The following OTUD7A variants were observed in gnomAD, a reference collection of about 807,000 sequenced individuals.
OTUD7A encodes OTU domain-containing protein 7A.
A neutral mutation model predicts 65.7 loss-of-function variants in OTUD7A; 12 were observed. That is an observed-to-expected ratio of 0.18 (90% CI 0.12 to 0.30). The LOEUF (loss-of-function observed/expected upper bound fraction) is 0.30. Ranked by LOEUF, OTUD7A falls within the 10% of genes least tolerant of loss-of-function variation. OTUD7A has a pLI of 1.00. For missense variants in OTUD7A, 1,148 were observed against 1,304.8 expected (o/e 0.88, Z 1.85); for synonymous variants, 641 against 586.3 (o/e 1.09, Z -1.35).
At chr15:31,708,026 C>A (rs1456686670) in intron 1 of OTUD7A, among the ~76,000 whole-genome samples, 1 of 151,676 alleles carries the variant, frequency 6.6e-6, no homozygotes, top group Non-Finnish European at 1.5e-5. Context: ...GAGCCTGCAC[C>A]ATAGAGAATT....
intron 1 of OTUD7A, among the ~76,000 whole-genome samples, chr15:31,815,950 A>G (rs1226068405): frequency 1.3e-5 from 2 of 152,220 alleles, no homozygotes; most frequent in East Asian, 1.9e-4. Flanking sequence ...GCAGGTGGTG[A>G]CTTACACCAT....
intron 1 of OTUD7A, among the ~76,000 whole-genome samples, chr15:31,793,098 C>T (rs1324190033): frequency 6.6e-6 from 1 of 152,222 alleles, no homozygotes; most frequent in African/African-American, 2.4e-5. Flanking sequence ...ACTCAGGAGA[C>T]TGTGCGGCTG....
At chr15:31,802,160 G>T (rs1395235177) in intron 1 of OTUD7A, among the ~76,000 whole-genome samples, 1 of 138,472 alleles carries the variant, frequency 7.2e-6, no homozygotes. Flanking sequence ...TATATGTAAA[G>T]GGGAGTTTAT....
chr15:31,510,436 T>C (rs1486429647), intron 8 of OTUD7A, among the ~76,000 whole-genome samples: 2 of 150,726 alleles, frequency 1.3e-5, no homozygotes, highest in Non-Finnish European at 3.0e-5. Flanking sequence ...TTAGTCTTTT[T>C]TTTTTCCCCC....
At chr15:31,868,111 A>G (rs1169335379) in intron 1 of OTUD7A, among the ~76,000 whole-genome samples, 1 of 152,264 alleles carries the variant, frequency 6.6e-6, no homozygotes, top group Non-Finnish European at 1.5e-5. Flanking sequence ...CAAAGGGAAC[A>G]GAAAGAAAAT....
chr15:31,841,111 G>A (rs1291127099), intron 1 of OTUD7A, among the ~76,000 whole-genome samples: 1 of 152,170 alleles, frequency 6.6e-6, no homozygotes, highest in African/African-American at 2.4e-5. Context: ...CAATACATCT[G>A]CTTGGTACAC....
intron 5 of OTUD7A, among the ~76,000 whole-genome samples, chr15:31,554,648 CA>C (rs1328141979): frequency 6.6e-6 from 1 of 152,146 alleles, no homozygotes; most frequent in African/African-American, 2.4e-5. Flanking sequence ...CTGCATTACA[CA>C]AAAATGCCTC....
At chr15:31,792,915 G>T (rs1895856792) in intron 1 of OTUD7A, among the ~76,000 whole-genome samples, 1 of 152,070 alleles carries the variant, frequency 6.6e-6, no homozygotes, top group Admixed American at 6.5e-5. Context: ...TGCCTGGCAT[G>T]CCTGGGGATT....
chr15:31,870,036 G>A (rs1433194693), intron 1 of OTUD7A, among the ~76,000 whole-genome samples: 1 of 151,210 alleles, frequency 6.6e-6, no homozygotes, highest in Admixed American at 6.6e-5. Context: ...TCCGGTGCCC[G>A]GCGAGCGGCC....
intron 3 of OTUD7A, among the ~76,000 whole-genome samples, chr15:31,595,911 C>T (rs1889890749): frequency 6.6e-6 from 1 of 152,072 alleles, no homozygotes. Context: ...CTTTCTCCAT[C>T]CCCAAGCCAG....
chr15:31,752,963 G>A (rs1894678749), intron 1 of OTUD7A, among the ~76,000 whole-genome samples: 2 of 152,182 alleles, frequency 1.3e-5, no homozygotes, highest in African/African-American at 4.8e-5. Context: ...ATCATCATAT[G>A]CAGCAGAAGT....
intron 8 of OTUD7A, among the ~76,000 whole-genome samples, chr15:31,519,979 A>G (rs973549031): frequency 4.6e-5 from 7 of 151,540 alleles, no homozygotes; most frequent in Non-Finnish European, 1.0e-4. Flanking sequence ...AATGCTGAAG[A>G]AAAAAATTGT....
At chr15:31,780,195 TCA>T (rs1182950310) in intron 1 of OTUD7A, among the ~76,000 whole-genome samples, 3 of 152,142 alleles carry the variant, frequency 2.0e-5, no homozygotes, top group African/African-American at 4.8e-5. Flanking sequence ...TCAATTTCAC[TCA>T]CATCAAGAGA....
At chr15:31,681,656 T>C (rs1892721431) in intron 1 of OTUD7A, among the ~76,000 whole-genome samples, 1 of 151,996 alleles carries the variant, frequency 6.6e-6, no homozygotes, top group African/African-American at 2.4e-5. Flanking sequence ...TGTCTAATAA[T>C]GACTGTCTAA....
At chr15:31,762,129 G>A (rs1240888514) in intron 1 of OTUD7A, among the ~76,000 whole-genome samples, 1 of 152,204 alleles carries the variant, frequency 6.6e-6, no homozygotes, top group Non-Finnish European at 1.5e-5. Flanking sequence ...TTTAGTGGGT[G>A]AATTATGGTA....
chr15:31,748,602 A>G (rs1459543459), intron 1 of OTUD7A, among the ~76,000 whole-genome samples: 1 of 152,076 alleles, frequency 6.6e-6, no homozygotes, highest in Non-Finnish European at 1.5e-5. Context: ...AAAATACATG[A>G]GAAGGTTTAT....
At chr15:31,708,610 A>AC (rs1479581747) in intron 1 of OTUD7A, among the ~76,000 whole-genome samples, 3 of 150,902 alleles carry the variant, frequency 2.0e-5, no homozygotes, top group Non-Finnish European at 4.4e-5. Context: ...CAAAGAGGCC[A>AC]CTGATCAGCC....
At position 31,585,908 on chromosome 15, in the gene OTUD7A, A is replaced by G. The variant is rs1181009934; in HGVS notation, c.152-15711T>C. On this transcript the variant is annotated intron_variant, in intron 3 of 12. Transcript: ENST00000307050. ...GAGGGATTGGGATGAGCCAAGCAAC[A>G]AAGAAGACTTTTTCTAGAAACAAAT... Among the ~76,000 whole-genome samples, 5 of 152,222 alleles carry G rather than the reference A, an allele frequency of 3.3e-5. No individual in the cohort carries two copies. In the East Asian group the frequency reaches 7.7e-4, roughly 23 times the overall value.
At chr15:31,676,379 C>T (rs1413547649) in intron 1 of OTUD7A, among the ~76,000 whole-genome samples, 1 of 152,112 alleles carries the variant, frequency 6.6e-6, no homozygotes, top group Non-Finnish European at 1.5e-5. Context: ...CTAAGTGAAT[C>T]AAGACAATTC....
Sources: gnomAD v4.1 joint callset for allele counts (sites outside exome capture counted in the v4.1 genomes callset) on GRCh38, gnomAD v4.1.1 for gene constraint, MANE v1.5 for transcripts, NCBI Gene and HGNC (gene_info 2026-07-23, HGNC 2026-07-21) for gene names.